Variants in STK4 observed in about 807,000 individuals in gnomAD.
The protein encoded by STK4 is serine/threonine-protein kinase 4.
A neutral mutation model predicts 64.9 loss-of-function variants in STK4; 30 were observed. The observed-to-expected ratio is 0.46, with a 90% CI of 0.35 to 0.63. STK4 has a LOEUF of 0.63. STK4 is among the 20% of genes least tolerant of loss of function. The probability of loss-of-function intolerance (pLI) is 0.01; values close to 1 mark genes in which losing one functional copy is unlikely to be tolerated. For synonymous variants in STK4, 177 were observed against 199.0 expected (o/e 0.89, Z 0.93); for missense variants, 466 against 598.5 (o/e 0.78, Z 2.31).
chr20:44,975,622 G>A (rs1377199710), intron 2 of STK4: 1 of 154,120 alleles, frequency 6.5e-6, no homozygotes, highest in African/African-American at 2.4e-5. Flanking sequence ...ATGAAGTTGG[G>A]GGCTGGAACT....
intron 1 of STK4, chr20:44,967,358 C>T (rs1333075508): frequency 8.8e-6 from 4 of 455,296 alleles, no homozygotes; most frequent in Non-Finnish European, 1.2e-5. Context: ...TACTCCGGGT[C>T]ACTGAACCCT....
At position 44,988,533 on chromosome 20, in the gene STK4, G is replaced by GTGTGTGTGTGTA. The variant is rs1221720136; in HGVS notation, c.525+1238_525+1239insGTGTGTGTGTAT. Among the ~76,000 whole-genome samples the GTGTGTGTGTGTA allele has an allele frequency of 3.4e-4, 35 of 101,584 alleles. 1 individual carries two copies. The highest frequency in any genetic ancestry group is 1.6e-3 in the African/African-American group (33 of 21,040). The allele number at this position is 101,584 out of a possible 152,430, so 66.6% of individuals were successfully genotyped here. A position where few individuals can be genotyped will look rare whatever the true frequency, so the allele number is the denominator to read the frequency against. On this transcript the variant is annotated intron_variant, in intron 5 of 10. Coordinates refer to ENST00000372806, the MANE Select transcript of STK4 (RefSeq NM_006282.5). ...TGTGTGTGTATATATATGTGTGTGT[G>GTGTGTGTGTGTA]TATATATATATATATATATATATAT...
chr20:45,046,050 G>A lies in STK4; in HGVS notation c.1305+20920G>A, dbSNP rs529820253. Among the ~76,000 whole-genome samples, 10 of 152,058 alleles carry A rather than the reference G, an allele frequency of 6.6e-5. No individual in the cohort carries two copies. The South Asian group carries it at 1.7e-3, about 25-fold the overall frequency. On this transcript the variant is annotated intron_variant, in intron 10 of 10. Coordinates refer to ENST00000372806, the MANE Select transcript of STK4 (RefSeq NM_006282.5). ...ACAAACTCCTGACCTCAGGTGATCC[G>A]CCTGCCTCCGCCTCCCAAAGTGCTG...
chr20:45,001,269 A>G lies in STK4; in HGVS notation c.1063A>G (p.Ile355Val). The change falls in exon 9 of 11, where the codon ATT becomes GTT. Residue 355 changes from isoleucine to valine, a missense_variant. Coordinates refer to ENST00000372806, the MANE Select transcript of STK4 (RefSeq NM_006282.5). ...STMTDGANTM[I>V]EHDDTLPSQL... ...CATGACTGATGGAGCCAATACTATG[A>G]TTGAGCACGATGACACGTTGCCATC... 6.2e-7 allele frequency: 1 copy of G among 1,614,192 alleles called. No individual in the cohort carries two copies.
intron 3 of STK4, among the ~76,000 whole-genome samples, chr20:44,978,898 A>C (rs1221750662): frequency 6.6e-6 from 1 of 150,984 alleles, no homozygotes; most frequent in Non-Finnish European, 1.5e-5. Flanking sequence ...TCCCAGGTTC[A>C]AGTGATTCTT....
intron 1 of STK4, chr20:44,970,625 C>T (rs942969622): frequency 1.3e-5 from 2 of 152,128 alleles, no homozygotes. Context: ...TTTATGATGT[C>T]ATTGGTATTT....
chr20:44,977,692 A>G (rs1171586360), intron 2 of STK4, among the ~76,000 whole-genome samples: 2 of 152,204 alleles, frequency 1.3e-5, no homozygotes, highest in African/African-American at 2.4e-5. Flanking sequence ...AATCTAGTGG[A>G]TCTGTAGCCT....
chr20:45,012,129 G>A (rs1568720261), intron 9 of STK4, among the ~76,000 whole-genome samples: 1 of 151,302 alleles, frequency 6.6e-6, no homozygotes, highest in Non-Finnish European at 1.5e-5. Flanking sequence ...TCTGCCTCCT[G>A]GGTTCAAGCA....
At chr20:45,033,057 C>T (rs1349746693) in intron 10 of STK4, among the ~76,000 whole-genome samples, 1 of 151,978 alleles carries the variant, frequency 6.6e-6, no homozygotes, top group Non-Finnish European at 1.5e-5. Flanking sequence ...GCTTATTGAC[C>T]ATGTGTATGT....
rs79534118 is a variant in STK4, at chr20:45,067,823, G to A, written c.1306-7195G>A. ...GCCTTCATTATTCATAGAGATGCTG[G>A]GAATCAGGACTTTGCAGTGACCTGG... On this transcript the variant is annotated intron_variant, in intron 10 of 10. Transcript: ENST00000372806. Among the ~76,000 whole-genome samples the A allele has an allele frequency of 2.0e-3, 311 of 152,248 alleles. 1 individual carries two copies. Among genetic ancestry groups the A allele is most frequent in the African/African-American group, 7.0e-3 (289 of 41,542 alleles).
At chr20:45,050,372 C>T (rs1022467205) in intron 10 of STK4, among the ~76,000 whole-genome samples, 2 of 152,162 alleles carry the variant, frequency 1.3e-5, no homozygotes, top group Non-Finnish European at 2.9e-5. Context: ...TGTTTGTGAT[C>T]TCTGATTTAA....
chr20:45,054,569 T>C (rs1171819593), intron 10 of STK4, among the ~76,000 whole-genome samples: 4 of 149,334 alleles, frequency 2.7e-5, no homozygotes, highest in Non-Finnish European at 3.0e-5. Context: ...CTTTTTTTTT[T>C]TTTTTTTTCA....
rs1980505039 is a variant in STK4 at position 45,076,270 on chromosome 20, C to G, written c.*1094C>G. On this transcript the variant is annotated 3_prime_UTR_variant, in exon 11 of 11. Transcript: ENST00000372806. This position sits in a 1 kb window ranked among gnomAD's most constrained non-coding sequence, Gnocchi z 4.0. ...AATCTGAACACACAGAATGTCAGAG[C>G]TGGAAGGGACTATAGAGATCATCTG... 3 of 152,198 alleles carry G rather than the reference C, an allele frequency of 2.0e-5. No homozygotes were observed. The allele number at this position is 152,198 out of a possible 1,614,324, so 9.4% of individuals were successfully genotyped here. A position where few individuals can be genotyped will look rare whatever the true frequency, so the allele number is the denominator to read the frequency against.
intron 9 of STK4, among the ~76,000 whole-genome samples, chr20:45,017,983 A>G (rs1442588648): frequency 6.6e-6 from 1 of 152,242 alleles, no homozygotes; most frequent in East Asian, 1.9e-4. Context: ...TTCAAAGGAC[A>G]TTCAAAGGAA....
intron 9 of STK4, among the ~76,000 whole-genome samples, chr20:45,002,693 C>T (rs1178441080): frequency 6.6e-6 from 1 of 152,170 alleles, no homozygotes; most frequent in African/African-American, 2.4e-5. Context: ...CTATATCACT[C>T]AGCTTCAGCA....
chr20:45,055,365 C>T (rs957948884), intron 10 of STK4, among the ~76,000 whole-genome samples: 1 of 152,084 alleles, frequency 6.6e-6, no homozygotes, highest in Non-Finnish European at 1.5e-5. Flanking sequence ...AGGTCTCTGC[C>T]GCTTCCCAAG....
intron 9 of STK4, among the ~76,000 whole-genome samples, chr20:45,012,776 ATAATCTTCT>A (rs1245963495): frequency 4.8e-5 from 7 of 147,188 alleles, no homozygotes; most frequent in Middle Eastern, 3.6e-3. Context: ...ATCTTTATAT[ATAATCTTCT>A]TCTTCTTCTT....
intron 10 of STK4, among the ~76,000 whole-genome samples, chr20:45,055,344 A>G (rs1355357280): frequency 6.6e-6 from 1 of 151,884 alleles, no homozygotes; most frequent in African/African-American, 2.4e-5. Flanking sequence ...GTTTGGTTTC[A>G]CTCCAGATGT....
chr20:45,014,107 A>G (rs954533253), intron 9 of STK4, among the ~76,000 whole-genome samples: 4 of 152,150 alleles, frequency 2.6e-5, no homozygotes, highest in South Asian at 4.1e-4. Context: ...TCATTATGAA[A>G]TAGGGTGTTA....
Sources: gnomAD v4.1 joint callset for allele counts (sites outside exome capture counted in the v4.1 genomes callset) on GRCh38, gnomAD v4.1.1 for gene constraint, Gnocchi (gnomAD v3.1) non-coding constraint, MANE v1.5 for transcripts, NCBI Gene and HGNC (gene_info 2026-07-23, HGNC 2026-07-21) for gene names.